Variants in UBA6 observed in about 807,000 individuals in gnomAD.
UBA6 encodes ubiquitin like modifier activating enzyme 6.
A neutral mutation model predicts 148.3 loss-of-function variants in UBA6; 87 were observed. The ratio of observed to expected loss-of-function variants is 0.59; its 90% CI spans 0.49 to 0.70. The LOEUF (loss-of-function observed/expected upper bound fraction) is 0.70, where lower values mean the gene tolerates loss of function less well. Among genes scored for constraint, UBA6 ranks in the 30% least tolerant of loss-of-function variants. The pLI, the probability that UBA6 is intolerant of heterozygous loss-of-function variation, is 0.00. For synonymous variants in UBA6, 376 were observed against 401.0 expected (o/e 0.94, Z 0.75); for missense variants, 1,186 against 1,241.2 (o/e 0.96, Z 0.67).
At chr4:67,636,278 A>G (rs189983085) in intron 19 of UBA6, among the ~76,000 whole-genome samples, 14 of 152,368 alleles carry the variant, frequency 9.2e-5, no homozygotes, top group Admixed American at 7.2e-4. Context: ...CATGAAGGAA[A>G]AAGTACATAG....
intron 19 of UBA6, among the ~76,000 whole-genome samples, chr4:67,637,268 G>A (rs986975648): frequency 2.7e-5 from 4 of 150,494 alleles, no homozygotes; most frequent in African/African-American, 4.9e-5. Flanking sequence ...CTGGAGGGAG[G>A]TGGAGGGCAG....
At chr4:67,655,254 A>G (rs1055765206) in intron 13 of UBA6, among the ~76,000 whole-genome samples, 1 of 152,202 alleles carries the variant, frequency 6.6e-6, no homozygotes. Flanking sequence ...TCAGCACTAC[A>G]TCGCACTTAT....
At position 67,634,279 on chromosome 4, in the gene UBA6, A is replaced by C. The variant is rs748839896; in HGVS notation, c.1976T>G (p.Phe659Cys). ...FSHKPSLFNK[F>C]WQTYSSAEEV... ...TTCTGCAGATGAATAGGTTTGCCAA[A>C]ATTTGTTAAACAATGAAGGTTTGTG... Residue 659 changes from phenylalanine to cysteine, a missense_variant, in exon 22 of 33, where the codon TTT (phenylalanine) becomes TGT (cysteine). Physicochemically the swap from Phe to Cys is radical, Grantham distance 205 (BLOSUM62 -2). Transcript: ENST00000322244. 3.8e-6 allele frequency: 6 copies of C among 1,596,788 alleles called. No homozygotes were observed. In the South Asian group the frequency reaches 5.8e-5, roughly 15 times the overall value.
chr4:67,624,693 C>G (rs1728825469), intron 29 of UBA6, among the ~76,000 whole-genome samples: 1 of 151,864 alleles, frequency 6.6e-6, no homozygotes, highest in Admixed American at 6.6e-5. Flanking sequence ...TCATTTTATT[C>G]AAGAAAAACA....
intron 2 of UBA6, among the ~76,000 whole-genome samples, chr4:67,685,620 T>C (rs187212943): frequency 2.0e-5 from 3 of 152,320 alleles, no homozygotes; most frequent in Admixed American, 6.5e-5. Flanking sequence ...TGTTGGAAAC[T>C]TAAACCCCGT....
intron 17 of UBA6, among the ~76,000 whole-genome samples, chr4:67,642,367 A>G (rs1458664121): frequency 6.6e-6 from 1 of 152,128 alleles, no homozygotes; most frequent in Non-Finnish European, 1.5e-5. Flanking sequence ...GAGAATATCT[A>G]AATCATTTAA....
At chr4:67,690,845 T>C (rs531119108) in intron 2 of UBA6, among the ~76,000 whole-genome samples, 7 of 152,198 alleles carry the variant, frequency 4.6e-5, no homozygotes, top group Admixed American at 2.0e-4. Flanking sequence ...TTGTGCACTG[T>C]TGGAAATGTA....
At chr4:67,624,895 C>T in intron 29 of UBA6, 99 bp downstream of exon 29, 1 of 933,220 alleles carries the variant, frequency 1.1e-6, no homozygotes, top group Non-Finnish European at 1.6e-6. Context: ...TTTATCCTTC[C>T]CTCTCTAACA....
chr4:67,655,485 A>C (rs1352949195), intron 13 of UBA6, among the ~76,000 whole-genome samples: 1 of 152,230 alleles, frequency 6.6e-6, no homozygotes, highest in Non-Finnish European at 1.5e-5. Flanking sequence ...TGTTCTTTGA[A>C]ACCAATGAGA....
intron 16 of UBA6, among the ~76,000 whole-genome samples, 195 bp downstream of exon 16, chr4:67,645,743 T>C (rs1577805415): frequency 1.3e-5 from 2 of 152,208 alleles, no homozygotes; most frequent in African/African-American, 2.4e-5. Flanking sequence ...AAGATATTAA[T>C]TAGACCAGAG....
intron 4 of UBA6, among the ~76,000 whole-genome samples, chr4:67,681,151 G>A (rs1052463994): frequency 2.6e-5 from 4 of 152,164 alleles, no homozygotes; most frequent in African/African-American, 9.7e-5. Context: ...ATAGCAACAT[G>A]TAAACTAATA....
intron 19 of UBA6, among the ~76,000 whole-genome samples, chr4:67,638,026 T>C (rs1577799593): frequency 1.4e-5 from 2 of 145,554 alleles, no homozygotes; most frequent in Middle Eastern, 7.1e-3. Flanking sequence ...AGATGAAGAG[T>C]AGATAGGTAG....
chr4:67,673,992 A>G (rs533507189), intron 6 of UBA6, among the ~76,000 whole-genome samples: 14 of 152,322 alleles, frequency 9.2e-5, no homozygotes, highest in African/African-American at 3.4e-4. Flanking sequence ...AAACCTGCAC[A>G]CATAAAACTT....
rs1728574135 is a variant in UBA6 at position 67,613,466 on chromosome 4, C to T, written c.*5531G>A. Reference sequence around the variant, plus strand: ...TAAGAAATTGAAAATTTCAGCAAGACAATTAGAAACTGCAGGAGTGACAAA... The same window carrying T: ...TAAGAAATTGAAAATTTCAGCAAGATAATTAGAAACTGCAGGAGTGACAAA... On this transcript the variant is annotated 3_prime_UTR_variant, in exon 33 of 33. Coordinates refer to ENST00000322244, the MANE Select transcript of UBA6 (RefSeq NM_018227.6). The T allele has an allele frequency of 6.6e-6, 1 of 152,022 alleles. No homozygotes were observed. Among genetic ancestry groups the T allele is most frequent in the Non-Finnish European group, 1.5e-5 (1 of 67,996 alleles). 9.4% of individuals were successfully genotyped at this position (152,022 alleles called of 1,614,324 possible).
chr4:67,642,557 G>A (rs1207747904), intron 17 of UBA6, among the ~76,000 whole-genome samples: 1 of 151,894 alleles, frequency 6.6e-6, no homozygotes, highest in East Asian at 1.9e-4. Context: ...ACCAATAAGT[G>A]GTAGTAATCT....
chr4:67,633,377 T>G lies in UBA6; in HGVS notation c.2110A>C (p.Arg704=). Residue 704 remains arginine (R), a synonymous_variant, in exon 23 of 33, where the codon AGA becomes CGA. Transcript: ENST00000322244. ...RNWSQCVELA[R]LKFEKYFNHK... ...TTAAAATATTTTTCAAACTTTAATCTTGCTAATTCTACACACTGGGACCAA... is the reference window on the plus strand; with the variant it reads ...TTAAAATATTTTTCAAACTTTAATCGTGCTAATTCTACACACTGGGACCAA... 1 of 1,602,114 alleles carries G rather than the reference T, an allele frequency of 6.2e-7. No homozygotes were observed.
chr4:67,644,884 A>T (rs1729387718), intron 16 of UBA6, 106 bp from the exon 17 acceptor site: 5 of 570,368 alleles, frequency 8.8e-6, no homozygotes, highest in Non-Finnish European at 1.6e-5. Context: ...TCAACGAAAA[A>T]AAAAAGTATA....
chr4:67,691,229 G>A (rs189720327), intron 2 of UBA6, among the ~76,000 whole-genome samples: 1 of 151,832 alleles, frequency 6.6e-6, no homozygotes, highest in Admixed American at 6.6e-5. Flanking sequence ...GTACATATTA[G>A]TCTATTTTAT....
intron 13 of UBA6, 23 bp from the exon 14 acceptor site, chr4:67,649,234 CAAT>C (rs769732328): frequency 6.3e-7 from 1 of 1,593,658 alleles, no homozygotes; most frequent in East Asian, 2.2e-5. Context: ...CCATAAAAGA[CAAT>C]AACATTAACA....
Sources: gnomAD v4.1 joint callset for allele counts (sites outside exome capture counted in the v4.1 genomes callset) on GRCh38, gnomAD v4.1.1 for gene constraint, MANE v1.5 for transcripts, NCBI Gene and HGNC (gene_info 2026-07-23, HGNC 2026-07-21) for gene names.